The following CCDC82 variants were observed in gnomAD, a reference collection of about 807,000 sequenced individuals.
CCDC82 encodes the protein coiled-coil domain containing 82, also known as coiled-coil domain-containing protein 82.
Under a neutral mutation model 60.6 loss-of-function variants are expected in CCDC82, and 47 were observed. The observed-to-expected ratio is 0.77, with a 90% CI of 0.61 to 0.99. CCDC82 has a LOEUF of 0.99. CCDC82 is among the 50% of genes least tolerant of loss of function. The pLI, the probability that CCDC82 is intolerant of heterozygous loss-of-function variation, is 0.00. For synonymous variants in CCDC82, 212 were observed against 207.4 expected (o/e 1.02, Z -0.19); for missense variants, 588 against 633.0 (o/e 0.93, Z 0.76).
chr11:96,357,537 T>G, intron 9 of CCDC82: 1 of 985,362 alleles, frequency 1.0e-6, no homozygotes, highest in Non-Finnish European at 1.2e-6. Context: ...TCCTAAACCT[T>G]GTTAAGCTTT....
At chr11:96,358,665 T>TAA in intron 9 of CCDC82, 4 of 1,184,412 alleles carry the variant, frequency 3.4e-6, no homozygotes, top group Non-Finnish European at 4.2e-6. Context: ...CTATACTCTG[T>TAA]CAAAAAAAAA....
intron 2 of CCDC82, chr11:96,386,978 C>G (rs1344665740): frequency 6.6e-6 from 1 of 152,212 alleles, no homozygotes; most frequent in African/African-American, 2.4e-5. Context: ...TAGCACCACA[C>G]GAACTAGGCA....
chr11:96,379,087 C>G (rs765503972), intron 5 of CCDC82, among the ~76,000 whole-genome samples: 12 of 151,848 alleles, frequency 7.9e-5, no homozygotes, highest in Non-Finnish European at 1.3e-4. Flanking sequence ...GAATATGATT[C>G]GTTGGCAGGA....
chr11:96,367,513 G>C (rs1009325273), intron 7 of CCDC82, among the ~76,000 whole-genome samples: 1 of 152,130 alleles, frequency 6.6e-6, no homozygotes, highest in East Asian at 1.9e-4. Context: ...TTTATCATGA[G>C]ATTGCAGCAA....
At chr11:96,385,230 G>T (rs1866126971) in intron 3 of CCDC82, 1 of 152,410 alleles carries the variant, frequency 6.6e-6, no homozygotes, top group Admixed American at 6.6e-5. Context: ...CATTGTATTT[G>T]AACAGAAAGA....
intron 5 of CCDC82, among the ~76,000 whole-genome samples, chr11:96,377,857 A>T (rs1312984045): frequency 6.6e-6 from 1 of 152,080 alleles, no homozygotes; most frequent in Non-Finnish European, 1.5e-5. Context: ...AATCTGCATA[A>T]ATGTGTTACG....
In CCDC82 at chr11:96,384,760, T is replaced by C; in HGVS notation, c.-13A>G. On this transcript the variant is annotated splice_region_variant and 5_prime_UTR_variant, in exon 4 of 10. Transcript: ENST00000646818. ...TAACATGTATCATTTTCACTTAAGCTTCTATAAAATAAAGTTGTTAGGAAT... is the reference window on the plus strand; with the variant it reads ...TAACATGTATCATTTTCACTTAAGCCTCTATAAAATAAAGTTGTTAGGAAT... The C allele has an allele frequency of 6.4e-7, 1 of 1,557,044 alleles. No homozygotes were observed. The highest frequency in any genetic ancestry group is 8.7e-7 in the Non-Finnish European group (1 of 1,154,386).
intron 7 of CCDC82, among the ~76,000 whole-genome samples, chr11:96,368,641 C>T (rs531878331): frequency 2.0e-4 from 30 of 152,084 alleles, no homozygotes; most frequent in African/African-American, 6.5e-4. Flanking sequence ...CTGAGGCAGG[C>T]GGATCATGAG....
chr11:96,384,901 G>A, intron 3 of CCDC82, 140 bp from the exon 4 acceptor site: 3 of 536,824 alleles, frequency 5.6e-6, no homozygotes, highest in Non-Finnish European at 9.6e-6. Flanking sequence ...GAGTGAAGAT[G>A]GTAGAACATT....
At chr11:96,372,860 A>C (rs1409035521) in intron 6 of CCDC82, among the ~76,000 whole-genome samples, 3 of 151,546 alleles carry the variant, frequency 2.0e-5, no homozygotes, top group Non-Finnish European at 4.4e-5. Context: ...TATGAGTATT[A>C]CCATACTCAG....
chr11:96,384,435 T>C lies in CCDC82; in HGVS notation c.313A>G (p.Asn105Asp), dbSNP rs1257479225. ...GTTTCTTCTTCATATGTTGAACCGTTGCCAGAGTTAATGAGACACTTACTG... is the reference window on the plus strand; with the variant it reads ...GTTTCTTCTTCATATGTTGAACCGTCGCCAGAGTTAATGAGACACTTACTG... ...NDSKCLINSGNGSTYEEETNK... is the reference protein window; with the variant it reads ...NDSKCLINSGDGSTYEEETNK... Residue 105 changes from asparagine (N) to aspartate (D), a missense_variant, in exon 4 of 10, where the codon AAC (asparagine) becomes GAC (aspartate). Asn to Asp is a conservative substitution (Grantham distance 23). Transcript: ENST00000646818. 1 of 1,613,884 alleles carries C rather than the reference T, an allele frequency of 6.2e-7. No individual in the cohort carries two copies. The highest frequency in any genetic ancestry group is 8.5e-7 in the Non-Finnish European group (1 of 1,179,842).
At position 96,365,063 on chromosome 11, in the gene CCDC82, A is replaced by C. The variant is rs762320483; in HGVS notation, c.1297T>G (p.Cys433Gly). The C allele has an allele frequency of 6.2e-7, 1 of 1,610,116 alleles. No homozygotes were observed. The highest frequency in any genetic ancestry group is 8.5e-7 in the Non-Finnish European group (1 of 1,177,876). The change falls in exon 8 of 10, where the codon TGT becomes GGT. Residue 433 changes from cysteine to glycine, a missense_variant. By Grantham distance (159) the Cys-to-Gly change is radical. Coordinates refer to ENST00000646818, the MANE Select transcript of CCDC82 (RefSeq NM_024725.4). ...SCQACGLHRY[C>G]KYSVHLSGEL... Reference sequence around the variant, plus strand: ...CCTGATAAATGCACTGAATATTTACAGTAGCGATGCAGTCCACAAGCCTGG... The same window carrying C: ...CCTGATAAATGCACTGAATATTTACCGTAGCGATGCAGTCCACAAGCCTGG...
At chr11:96,364,883 T>C in intron 8 of CCDC82, 97 bp downstream of exon 8, 1 of 1,135,852 alleles carries the variant, frequency 8.8e-7, no homozygotes, top group Non-Finnish European at 1.2e-6. Context: ...GCTAAAAATG[T>C]TTCCACTTGG....
intron 8 of CCDC82, among the ~76,000 whole-genome samples, chr11:96,359,746 T>C (rs942518030): frequency 1.7e-4 from 25 of 151,020 alleles, no homozygotes; most frequent in Admixed American, 1.6e-3. Flanking sequence ...AAGCAACATG[T>C]AAAACTGAAA....
intron 5 of CCDC82, 187 bp downstream of exon 5, chr11:96,383,082 A>G: frequency 1.8e-6 from 1 of 559,172 alleles, no homozygotes; most frequent in South Asian, 2.4e-5. Context: ...GTTGGGGTTA[A>G]TAATTTTGAA....
chr11:96,372,731 A>C (rs1277105997), intron 6 of CCDC82, among the ~76,000 whole-genome samples: 1 of 145,600 alleles, frequency 6.9e-6, no homozygotes, highest in Non-Finnish European at 1.5e-5. Flanking sequence ...TATATATATA[A>C]ATATATAAAT....
chr11:96,372,165 G>A (rs1699005293), intron 6 of CCDC82, among the ~76,000 whole-genome samples: 1 of 152,036 alleles, frequency 6.6e-6, no homozygotes, highest in African/African-American at 2.4e-5. Context: ...AAAGGCCTTA[G>A]CACCTCCTTT....
chr11:96,372,671 CAT>C (rs905499844), intron 6 of CCDC82, among the ~76,000 whole-genome samples: 20 of 140,564 alleles, frequency 1.4e-4, no homozygotes, highest in South Asian at 4.4e-4. Flanking sequence ...TATATATAAA[CAT>C]ATATAAATAT....
In CCDC82 at chr11:96,357,430, G is replaced by C. The variant is rs185139625; in HGVS notation, c.1566+1563C>G. On this transcript the variant is annotated intron_variant, in intron 9 of 9. Transcript: ENST00000646818. ...GTATAACATGACACTTGGCTTTCTT[G>C]AAAAGAAAGCCTAAGCTCCTTTCTT... 16 of 984,800 alleles carry C rather than the reference G, an allele frequency of 1.6e-5. No individual in the cohort carries two copies. The Admixed American group carries it at 9.2e-4, about 57-fold the overall frequency. 61.0% of individuals were successfully genotyped at this position (984,800 alleles called of 1,614,324 possible). A position where few individuals can be genotyped will look rare whatever the true frequency, so the allele number is the denominator to read the frequency against.
Sources: allele counts gnomAD v4.1 joint callset (sites outside exome capture counted in the v4.1 genomes callset), GRCh38; gene constraint gnomAD v4.1.1; transcripts MANE v1.5; gene names NCBI Gene and HGNC (gene_info 2026-07-23, HGNC 2026-07-21).